POLR1A: variants seen among roughly 807,000 people sequenced by gnomAD.
The protein encoded by POLR1A is DNA-directed RNA polymerase I subunit RPA1.
A neutral mutation model predicts 205.3 loss-of-function variants in POLR1A; 84 were observed. The observed-to-expected ratio is 0.41, with a 90% CI of 0.34 to 0.49. The LOEUF is 0.49. POLR1A is among the 20% of genes least tolerant of loss of function. POLR1A has a pLI of 0.22. For synonymous variants in POLR1A, 799 were observed against 863.7 expected (o/e 0.93, Z 1.31); for missense variants, 1,645 against 2,204.5 (o/e 0.75, Z 5.08).
In POLR1A at chr2:86,030,342, C is replaced by A. The variant is rs745770307; in HGVS notation, c.4633G>T (p.Val1545Leu). The A allele has an allele frequency of 6.2e-7, 1 of 1,614,062 alleles. No homozygotes were observed. The highest frequency in any genetic ancestry group is 8.5e-7 in the Non-Finnish European group (1 of 1,180,008). The change falls in exon 31 of 34, where the codon GTA becomes TTA. Residue 1545 changes from valine (V) to leucine (L), a missense_variant. Transcript: ENST00000263857. ...ATGACGGCACCATGGGCCAAAGATA[C>A]TACCAGGGAGCTCATGTCAAAGTTG... ...KINFDMSSLV[V>L]SLAHGAVIYA...
intron 25 of POLR1A, 65 bp from the exon 26 acceptor site, chr2:86,039,527 TCTC>T (rs1672561933): frequency 8.9e-6 from 14 of 1,581,470 alleles, no homozygotes; most frequent in Non-Finnish European, 1.2e-5. Context: ...GGGTGCAGCT[TCTC>T]CTAATGATGT....
chr2:86,034,882 C>T (rs12328075), intron 27 of POLR1A, among the ~76,000 whole-genome samples: 4 of 152,058 alleles, frequency 2.6e-5, no homozygotes, highest in East Asian at 1.9e-4. Flanking sequence ...TAGTTCCCCC[C>T]ACCGTCCCGA....
rs376999911 is a variant in POLR1A at position 86,045,270 on chromosome 2, C to T, written c.2969+8G>A. On this transcript the variant is annotated splice_region_variant and intron_variant, in intron 21 of 33. Coordinates refer to ENST00000263857, the MANE Select transcript of POLR1A (RefSeq NM_015425.6). ...TCTACCTCAAGGGGCACGGCAGATA[C>T]ATTTTACCTTTGGAGATAGCCTGAG... is the stretch of plus-strand genomic sequence containing the variant. 227 of 1,594,574 alleles carry T rather than the reference C, an allele frequency of 1.4e-4. No homozygotes were observed. The highest frequency in any genetic ancestry group is 1.8e-4 in the Non-Finnish European group (207 of 1,162,342).
chr2:86,024,253 C>T lies in POLR1A; in HGVS notation c.*3170G>A. ...AGGACATTATGCTAAGTGAAATAAG[C>T]CGGTCACAAAAAGACATGCTGTACT... On this transcript the variant is annotated 3_prime_UTR_variant, in exon 34 of 34. Transcript: ENST00000263857. The T allele has an allele frequency of 4.7e-6, 1 of 210,794 alleles. No individual in the cohort carries two copies. The highest frequency in any genetic ancestry group is 3.9e-5 in the Admixed American group (1 of 25,344). 13.1% of individuals were successfully genotyped at this position (210,794 alleles called of 1,614,324 possible).
At chr2:86,075,760 G>A (rs138137296) in intron 11 of POLR1A, among the ~76,000 whole-genome samples, 54 of 152,256 alleles carry the variant, frequency 3.5e-4, no homozygotes, top group Non-Finnish European at 6.2e-4. Flanking sequence ...TGCCCGCCTC[G>A]GCCTCCCAAA....
chr2:86,024,825 A>C lies in POLR1A; in HGVS notation c.*2598T>G, dbSNP rs2104372835. On this transcript the variant is annotated 3_prime_UTR_variant, in exon 34 of 34. Coordinates refer to ENST00000263857, the MANE Select transcript of POLR1A (RefSeq NM_015425.6). ...GTCCAAACAGTGGCTAGCTAATGGC[A>C]TCTGAGGATTCTGAAAGAACTCATA... 6.6e-6 allele frequency: 1 copy of C among 152,388 alleles called. No homozygotes were observed. The highest frequency in any genetic ancestry group is 2.1e-4 in the South Asian group (1 of 4,826). The allele number at this position is 152,388 out of a possible 1,614,324, so 9.4% of individuals were successfully genotyped here.
chr2:86,041,944 C>T lies in POLR1A; in HGVS notation c.3517G>A (p.Glu1173Lys), dbSNP rs147315599. The T allele has an allele frequency of 1.2e-6, 2 of 1,614,232 alleles. No individual in the cohort carries two copies. The highest frequency in any genetic ancestry group is 1.6e-4 in the Middle Eastern group (1 of 6,062). ...FETKVDDYSQ[E>K]WAAQTEKSYE... ...CTCTTCTCTGTTTGAGCTGCCCACT[C>T]TTGACTGTAGTCATCAACCTTTGTT... Residue 1173 changes from glutamate (E) to lysine (K), a missense_variant, in exon 24 of 34, where the codon GAG becomes AAG. Around this residue, in one of 16 missense-constraint regions of POLR1A, gnomAD observed 201 missense variants for 222.3 expected, o/e 0.90. Transcript: ENST00000263857.
intron 3 of POLR1A, among the ~76,000 whole-genome samples, chr2:86,095,229 C>T (rs1360844959): frequency 4.6e-5 from 7 of 152,128 alleles, no homozygotes; most frequent in African/African-American, 2.4e-5. Context: ...CTAATGTCTT[C>T]GGGACTGAAG....
chr2:86,102,118 G>C (rs1280040033), intron 1 of POLR1A, among the ~76,000 whole-genome samples: 2 of 152,062 alleles, frequency 1.3e-5, no homozygotes, highest in African/African-American at 4.8e-5. Context: ...ATATCTCTTT[G>C]AGACCCTACT....
rs796614841 is a variant in POLR1A, at chr2:86,075,137, C to T, written c.1504G>A (p.Gly502Ser). The change falls in exon 12 of 34, where the codon GGC becomes AGC. Residue 502 changes from glycine to serine, a missense_variant. Gly to Ser is a moderately conservative substitution (Grantham distance 56, BLOSUM62 0). Coordinates refer to ENST00000263857, the MANE Select transcript of POLR1A (RefSeq NM_015425.6). ...PGASMVINED[G>S]SRTALSAVDM... is the part of the protein sequence containing the mutation. ...ACAGCGCTCAGGGCTGTGCGGCTGC[C>T]GTCCTCATTGATGACCATGGAGGCT... 3.1e-6 allele frequency: 5 copies of T among 1,613,628 alleles called. No homozygotes were observed. Among genetic ancestry groups the T allele is most frequent in the Admixed American group, 1.7e-5 (1 of 59,990 alleles).
In POLR1A at chr2:86,054,101, C is replaced by A. The variant is rs762409990; in HGVS notation, c.2208+39G>T. The A allele has an allele frequency of 6.2e-6, 10 of 1,605,380 alleles. No homozygotes were observed. In the South Asian group the frequency reaches 9.9e-5, roughly 16 times the overall value. ...TTTAAACCAATCTGTCTAACCCCGG[C>A]ACTAGAAGTCTCCACTCCACACAGC... On this transcript the variant is annotated intron_variant, in intron 15 of 33. Transcript: ENST00000263857.
At chr2:86,062,539 A>C (rs1673015662) in intron 14 of POLR1A, among the ~76,000 whole-genome samples, 1 of 152,172 alleles carries the variant, frequency 6.6e-6, no homozygotes, top group South Asian at 2.1e-4. Context: ...ACAACATATT[A>C]ATTTGTGGGA....
rs1197957313 is a variant in POLR1A at position 86,021,649 on chromosome 2, G to T, written c.*5774C>A. Reference sequence around the variant, plus strand: ...GGCCTGATCATGAAGACGGTGAACTGGCTTGTTTGGGGCAGAAGACTACAA... The same window carrying T: ...GGCCTGATCATGAAGACGGTGAACTTGCTTGTTTGGGGCAGAAGACTACAA... On this transcript the variant is annotated 3_prime_UTR_variant, in exon 34 of 34. Transcript: ENST00000263857. 6.6e-6 allele frequency: 1 copy of T among 151,886 alleles called. No homozygotes were observed. The highest frequency in any genetic ancestry group is 6.6e-5 in the Admixed American group (1 of 15,244). The allele number at this position is 151,886 out of a possible 1,614,324, so 9.4% of individuals were successfully genotyped here. A position where few individuals can be genotyped will look rare whatever the true frequency, so the allele number is the denominator to read the frequency against.
chr2:86,077,124 G>T (rs756376295), intron 11 of POLR1A, among the ~76,000 whole-genome samples: 3 of 152,174 alleles, frequency 2.0e-5, no homozygotes, highest in Non-Finnish European at 4.4e-5. Context: ...GGGTGGAGGG[G>T]GTGGCGTGCA....
At chr2:86,078,891 C>T (rs1428991764) in intron 9 of POLR1A, among the ~76,000 whole-genome samples, 2 of 152,128 alleles carry the variant, frequency 1.3e-5, no homozygotes, top group African/African-American at 2.4e-5. Context: ...TGCCCCTAGC[C>T]CTGTCTCCTC....
chr2:86,069,041 A>G (rs1355916998), intron 13 of POLR1A, among the ~76,000 whole-genome samples: 1 of 152,220 alleles, frequency 6.6e-6, no homozygotes, highest in African/African-American at 2.4e-5. Flanking sequence ...GTCCTTGGAC[A>G]AGTTACACGA....
rs1457747778 is a variant in POLR1A, at chr2:86,031,605, TCTC to T, written c.4300_4302del (p.Glu1434del). ...TCATCGTCGTTCTCCTCGCCCTCCC[TCTC>T]CTCCTCTTCCTCACTCTCATAATCA... On this transcript the variant is annotated inframe_deletion, in exon 30 of 34. Coordinates refer to ENST00000263857, the MANE Select transcript of POLR1A (RefSeq NM_015425.6). 1.2e-6 allele frequency: 2 copies of T among 1,612,810 alleles called. No homozygotes were observed. The highest frequency in any genetic ancestry group is 1.7e-4 in the Middle Eastern group (1 of 6,054).
chr2:86,097,214 C>CAAA (rs757210116), intron 3 of POLR1A, among the ~76,000 whole-genome samples: 4,765 of 39,180 alleles, frequency 0.12, 1,122 homozygotes, highest in Non-Finnish European at 0.16. Context: ...CCCCAAAAGA[C>CAAA]AAAAAAAAAA....
Position 86,075,035 on chromosome 2 carries a change from T to C in POLR1A, c.1606A>G (p.Lys536Glu). The change falls in exon 12 of 34, where the codon AAA becomes GAA. Residue 536 changes from lysine to glutamate, a missense_variant. This residue lies in a region of POLR1A where 131 missense variants were observed against 214.5 expected (regional missense o/e 0.61). Transcript: ENST00000263857. ...ATGAPKPQGTKIVCRHVKNGD... is the reference protein window; with the variant it reads ...ATGAPKPQGTEIVCRHVKNGD... ...CCAAAGCTGCCCTTACTCACAATTTTTGTCCCCTGGGGCTTAGGTGCCCCC... is the reference window on the plus strand; with the variant it reads ...CCAAAGCTGCCCTTACTCACAATTTCTGTCCCCTGGGGCTTAGGTGCCCCC... 6.2e-7 allele frequency: 1 copy of C among 1,605,960 alleles called. No homozygotes were observed. Among genetic ancestry groups the C allele is most frequent in the Non-Finnish European group, 8.5e-7 (1 of 1,176,694 alleles).
Sources: gnomAD v4.1 joint callset for allele counts (sites outside exome capture counted in the v4.1 genomes callset) on GRCh38, gnomAD v4.1.1 for gene constraint, gnomAD v4.1.1 regional missense constraint, MANE v1.5 for transcripts, NCBI Gene and HGNC (gene_info 2026-07-23, HGNC 2026-07-21) for gene names.